The following PARD3B variants were observed in gnomAD, a reference collection of about 807,000 sequenced individuals.
PARD3B encodes the protein par-3 family cell polarity regulator beta.
In PARD3B, 103 loss-of-function variants were observed where a neutral mutation model predicts 130.2. The observed-to-expected ratio is 0.79, with a 90% CI of 0.67 to 0.93. The LOEUF (loss-of-function observed/expected upper bound fraction) is 0.93. Among genes scored for constraint, PARD3B ranks in the 40% least tolerant of loss-of-function variants. PARD3B has a pLI of 0.00. For synonymous variants in PARD3B, 583 were observed against 553.2 expected (o/e 1.05, Z -0.76); for missense variants, 1,609 against 1,499.2 (o/e 1.07, Z -1.21).
chr2:204,943,353 T>C lies in PARD3B; in HGVS notation c.223-21799T>C, dbSNP rs1002505335. ...CCTATGATGAGAAAGAGGTTAGAGG[T>C]AGACTGGCTGCTGGAAAAGAGAAGC... On this transcript the variant is annotated intron_variant, in intron 2 of 22. Coordinates refer to ENST00000406610, the MANE Select transcript of PARD3B (RefSeq NM_001302769.2). This position sits in a 1 kb window ranked among gnomAD's most constrained non-coding sequence, Gnocchi z 4.2. 6.6e-6 allele frequency among the ~76,000 whole-genome samples: 1 copy of C among 152,014 alleles called. No individual in the cohort carries two copies. The highest frequency in any genetic ancestry group is 6.5e-5 in the Admixed American group (1 of 15,268).
intron 18 of PARD3B, among the ~76,000 whole-genome samples, chr2:205,349,695 G>T (rs962946379): frequency 6.6e-6 from 1 of 151,392 alleles, no homozygotes; most frequent in African/African-American, 2.4e-5. Flanking sequence ...TAATTAATGA[G>T]TAGGTAACAC....
intron 22 of PARD3B, among the ~76,000 whole-genome samples, chr2:205,613,184 G>T (rs1241185174): frequency 2.0e-5 from 3 of 152,194 alleles, no homozygotes; most frequent in Non-Finnish European, 4.4e-5. Context: ...AGTCCGGAGG[G>T]AGGGCTGGTT....
intron 19 of PARD3B, among the ~76,000 whole-genome samples, chr2:205,412,544 CCT>C (rs2046635694): frequency 1.3e-5 from 2 of 152,018 alleles, no homozygotes; most frequent in Non-Finnish European, 2.9e-5. Flanking sequence ...CAAAGTCATT[CCT>C]CTCTCTCAAA....
intron 1 of PARD3B, among the ~76,000 whole-genome samples, chr2:204,656,656 T>C: frequency 6.6e-6 from 1 of 152,184 alleles, no homozygotes; most frequent in South Asian, 2.1e-4. Flanking sequence ...GCACTGTCCA[T>C]GTTTCCAGTT....
intron 2 of PARD3B, among the ~76,000 whole-genome samples, chr2:204,888,358 GAAAGGGAGAGAGGGAGGGA>G (rs372277769): frequency 0.021 from 3,212 of 149,756 alleles, 117 homozygotes; most frequent in African/African-American, 0.075. Flanking sequence ...AAACAGAGGA[GAAAGGGAGAGAGGGAGGGA>G]ACTGTGTTGC....
At chr2:204,570,586 G>A (rs1013904099) in intron 1 of PARD3B, among the ~76,000 whole-genome samples, 1 of 152,184 alleles carries the variant, frequency 6.6e-6, no homozygotes, top group Non-Finnish European at 1.5e-5. Context: ...CCAAAGGTGA[G>A]GGAAGGAAGT....
intron 1 of PARD3B, among the ~76,000 whole-genome samples, chr2:204,566,321 T>A (rs982233524): frequency 3.3e-5 from 5 of 152,242 alleles, no homozygotes; most frequent in African/African-American, 1.2e-4. Flanking sequence ...GACAAACCTT[T>A]CATTTGAGGA....
chr2:205,339,891 TCCC>T (rs2043455113), intron 18 of PARD3B, among the ~76,000 whole-genome samples: 1 of 152,102 alleles, frequency 6.6e-6, no homozygotes, highest in South Asian at 2.1e-4. Context: ...CCAAGGCCTG[TCCC>T]TTGGAAGACA....
intron 20 of PARD3B, among the ~76,000 whole-genome samples, chr2:205,466,526 TTCC>T (rs1416372457): frequency 2.0e-5 from 3 of 152,342 alleles, no homozygotes; most frequent in Admixed American, 2.0e-4. Context: ...TTGAATTTCT[TTCC>T]TCAAGTGCTG....
intron 21 of PARD3B, among the ~76,000 whole-genome samples, chr2:205,539,153 C>T (rs1256449178): frequency 1.3e-5 from 2 of 152,172 alleles, no homozygotes; most frequent in African/African-American, 2.4e-5. Context: ...TGGAATCAGA[C>T]ACGCATTAGG....
Position 205,276,672 on chromosome 2 carries a change from C to A in PARD3B, c.2186-23858C>A, listed in dbSNP as rs2040963104. 6.6e-6 allele frequency among the ~76,000 whole-genome samples: 1 copy of A among 152,196 alleles called. No homozygotes were observed. Among genetic ancestry groups the A allele is most frequent in the African/African-American group, 2.4e-5 (1 of 41,458 alleles). ...AGCGCTTTATCAGCCGACATTTACACAGAAACTCCTGCCTCTGAGCTTCCT... is the reference window on the plus strand; with the variant it reads ...AGCGCTTTATCAGCCGACATTTACAAAGAAACTCCTGCCTCTGAGCTTCCT... On this transcript the variant is annotated intron_variant, in intron 16 of 22. Transcript: ENST00000406610. The surrounding 1 kb of genome is among the most constrained non-coding windows in gnomAD (Gnocchi z 5.0).
chr2:205,425,240 T>C (rs1389778991), intron 19 of PARD3B, among the ~76,000 whole-genome samples: 2 of 152,182 alleles, frequency 1.3e-5, no homozygotes, highest in Admixed American at 1.3e-4. Context: ...TTGGGGCTAA[T>C]TTTCTAAGGA....
intron 2 of PARD3B, among the ~76,000 whole-genome samples, chr2:204,778,654 C>T (rs1022298194): frequency 1.3e-5 from 2 of 152,158 alleles, no homozygotes; most frequent in Non-Finnish European, 2.9e-5. Flanking sequence ...CATCACCCAC[C>T]AGTAGCTCAC....
At chr2:205,459,280 C>T (rs1171918195) in intron 20 of PARD3B, among the ~76,000 whole-genome samples, 1 of 152,130 alleles carries the variant, frequency 6.6e-6, no homozygotes, top group Non-Finnish European at 1.5e-5. Context: ...TTCTCCAATG[C>T]CTTCAAGTAG....
chr2:204,933,207 A>T (rs1384625713), intron 2 of PARD3B, among the ~76,000 whole-genome samples: 1 of 152,188 alleles, frequency 6.6e-6, no homozygotes, highest in East Asian at 1.9e-4. Context: ...CTGGAGTAAA[A>T]TTACTTTACA....
At chr2:204,753,206 A>G (rs1470201323) in intron 2 of PARD3B, among the ~76,000 whole-genome samples, 2 of 152,202 alleles carry the variant, frequency 1.3e-5, no homozygotes, top group Admixed American at 1.3e-4. Flanking sequence ...GGTCTTTCTG[A>G]AAATGAGAAA....
chr2:205,089,768 T>C (rs1452832334), intron 4 of PARD3B, among the ~76,000 whole-genome samples: 2 of 152,254 alleles, frequency 1.3e-5, no homozygotes, highest in East Asian at 3.8e-4. Context: ...TAACCATTAC[T>C]GTTTCTGTAT....
At chr2:205,517,551 G>C (rs554083993) in intron 21 of PARD3B, among the ~76,000 whole-genome samples, 5 of 151,974 alleles carry the variant, frequency 3.3e-5, no homozygotes, top group African/African-American at 1.2e-4. Context: ...CATTGATCTT[G>C]TGACTGGTTT....
At chr2:205,573,182 T>C (rs1440434124) in intron 22 of PARD3B, among the ~76,000 whole-genome samples, 1 of 152,070 alleles carries the variant, frequency 6.6e-6, no homozygotes, top group Admixed American at 6.5e-5. Flanking sequence ...ATGGAAACTA[T>C]AGTTCAAGAT....
Sources: allele counts gnomAD v4.1 joint callset (sites outside exome capture counted in the v4.1 genomes callset), GRCh38; gene constraint gnomAD v4.1.1; non-coding constraint Gnocchi (gnomAD v3.1); transcripts MANE v1.5; gene names NCBI Gene and HGNC (gene_info 2026-07-23, HGNC 2026-07-21).